The following CSMD1 variants were observed in gnomAD, a reference collection of about 807,000 sequenced individuals.
The protein encoded by CSMD1 is CUB and Sushi multiple domains 1.
In CSMD1, 213 loss-of-function variants were observed where a neutral mutation model predicts 417.5. The ratio of observed to expected loss-of-function variants is 0.51; its 90% CI spans 0.46 to 0.57. The LOEUF (loss-of-function observed/expected upper bound fraction) is 0.57. CSMD1 is among the 20% of genes least tolerant of loss of function. The pLI is 0.00. For synonymous variants in CSMD1, 2,862 were observed against 1,736.8 expected, an observed-to-expected ratio of 1.65 and a Z score of -16.11; for missense variants, 6,923 against 4,529.7, an observed-to-expected ratio of 1.53 and a Z score of -15.17.
In CSMD1 at chr8:3,308,365, G is replaced by T; in HGVS notation, c.3770C>A (p.Thr1257Asn). The stretch of plus-strand genomic sequence containing the variant: ...CACTCTCCTGTCTCCACTCAAACAG[G>T]TCAGGGTGTTGCTGCCATGCATGGC... ...GYAMHGSNTL[T>N]CLSGDRRVWD... Residue 1257 changes from threonine to asparagine, a missense_variant, in exon 24 of 70, where the codon ACC (threonine) becomes AAC (asparagine). Physicochemically the swap from Thr to Asn is moderately conservative, Grantham distance 65. Coordinates refer to ENST00000635120, the MANE Select transcript of CSMD1 (RefSeq NM_033225.6). 2.5e-6 allele frequency: 4 copies of T among 1,613,746 alleles called. No homozygotes were observed. The highest frequency in any genetic ancestry group is 2.2e-5 in the East Asian group (1 of 44,838).
At chr8:4,139,557 A>G (rs554917713) in intron 3 of CSMD1, among the ~76,000 whole-genome samples, 1 of 151,284 alleles carries the variant, frequency 6.6e-6, no homozygotes, top group Admixed American at 6.6e-5. Flanking sequence ...GACGATCTGC[A>G]TATAGCTCCC....
intron 65 of CSMD1, among the ~76,000 whole-genome samples, chr8:2,953,644 T>C (rs985551064): frequency 6.6e-6 from 1 of 152,220 alleles, no homozygotes; most frequent in Non-Finnish European, 1.5e-5. Context: ...CCAGATGATT[T>C]TGTATAGTAA....
Position 3,087,079 on chromosome 8 carries a change from T to C in CSMD1, c.7474+18A>G, listed in dbSNP as rs779200745. 2.7e-5 allele frequency: 43 copies of C among 1,607,060 alleles called. No homozygotes were observed. The highest frequency in any genetic ancestry group is 3.2e-5 in the Non-Finnish European group (38 of 1,175,208). On this transcript the variant is annotated intron_variant, in intron 49 of 69. Transcript: ENST00000635120. Reference sequence around the variant, plus strand: ...AATACACAGGAAACAAGGCTGGGGATGAAAACGCATTTCTTACCCTGGCAG... The same window carrying C: ...AATACACAGGAAACAAGGCTGGGGACGAAAACGCATTTCTTACCCTGGCAG...
chr8:4,166,639 G>A (rs1797474407), intron 3 of CSMD1, among the ~76,000 whole-genome samples: 4 of 152,208 alleles, frequency 2.6e-5, no homozygotes, highest in Middle Eastern at 3.4e-3. Flanking sequence ...ACAGAAGACT[G>A]CATATTGGGT....
chr8:3,883,263 G>A (rs1381717100), intron 5 of CSMD1, among the ~76,000 whole-genome samples: 1 of 152,044 alleles, frequency 6.6e-6, no homozygotes, highest in Non-Finnish European at 1.5e-5. Flanking sequence ...TAAATATTGA[G>A]ATAAAGTATT....
At chr8:4,984,155 G>C (rs1811051693) in intron 1 of CSMD1, among the ~76,000 whole-genome samples, 1 of 152,298 alleles carries the variant, frequency 6.6e-6, no homozygotes, top group Non-Finnish European at 1.5e-5. Context: ...TCAGTGTCCT[G>C]TTGGTATTAC....
At chr8:4,345,284 G>A (rs565376310) in intron 3 of CSMD1, among the ~76,000 whole-genome samples, 1 of 152,088 alleles carries the variant, frequency 6.6e-6, no homozygotes, top group South Asian at 2.1e-4. Flanking sequence ...CTTTCTATGA[G>A]GATTAACGAT....
chr8:3,294,028 T>C (rs1803775361), intron 25 of CSMD1, among the ~76,000 whole-genome samples: 1 of 151,914 alleles, frequency 6.6e-6, no homozygotes, highest in Non-Finnish European at 1.5e-5. Context: ...TTCTGTTTGT[T>C]AGTTTTCCTT....
intron 1 of CSMD1, among the ~76,000 whole-genome samples, chr8:4,673,063 TG>T (rs1563113690): frequency 6.7e-6 from 1 of 149,638 alleles, no homozygotes. Context: ...CATGCTGACA[TG>T]GCACACACAC....
intron 2 of CSMD1, among the ~76,000 whole-genome samples, chr8:4,475,573 C>A (rs1800756025): frequency 6.6e-6 from 1 of 152,010 alleles, no homozygotes; most frequent in Non-Finnish European, 1.5e-5. Flanking sequence ...TAAATACCAC[C>A]CAGGCACAAC....
intron 1 of CSMD1, among the ~76,000 whole-genome samples, chr8:4,934,159 G>C (rs990150224): frequency 2.6e-5 from 4 of 152,140 alleles, no homozygotes; most frequent in African/African-American, 9.7e-5. Flanking sequence ...TCTGAGAAGA[G>C]GCCAGGCTAA....
rs144858920 is a variant in CSMD1, at chr8:3,259,670, C to G, written c.4153+24474G>C. Among the ~76,000 whole-genome samples, 1,161 of 152,094 alleles carry G rather than the reference C, an allele frequency of 7.6e-3. 15 individuals carry two copies. Among genetic ancestry groups the G allele is most frequent in the African/African-American group, 0.026 (1,075 of 41,486 alleles). ...ACAAGTGAAATACTGGAGTTTCTAC[C>G]CCATCCTGAAATTTACTAAATTGGT... On this transcript the variant is annotated intron_variant, in intron 26 of 69. Transcript: ENST00000635120.
chr8:4,530,195 G>A (rs931070898), intron 2 of CSMD1, among the ~76,000 whole-genome samples: 3 of 151,782 alleles, frequency 2.0e-5, no homozygotes, highest in Non-Finnish European at 2.9e-5. Context: ...TTACAGGCAC[G>A]AGCCACCGCG....
chr8:4,345,972 A>G (rs953364132), intron 3 of CSMD1, among the ~76,000 whole-genome samples: 9 of 152,150 alleles, frequency 5.9e-5, no homozygotes, highest in African/African-American at 1.2e-4. Flanking sequence ...TACTGACTAG[A>G]TATCATTTGG....
intron 1 of CSMD1, among the ~76,000 whole-genome samples, chr8:4,762,616 C>T (rs755292663): frequency 3.3e-5 from 5 of 152,102 alleles, no homozygotes; most frequent in Non-Finnish European, 5.9e-5. Context: ...GAGTGATGGG[C>T]CCCGCATTTG....
At chr8:4,092,228 A>G (rs902943748) in intron 3 of CSMD1, among the ~76,000 whole-genome samples, 2 of 152,208 alleles carry the variant, frequency 1.3e-5, no homozygotes, top group African/African-American at 4.8e-5. Context: ...GTCATCCTAG[A>G]AAAGGAAGAC....
chr8:4,732,326 A>G lies in CSMD1; in HGVS notation c.86-94768T>C, dbSNP rs143018899. The stretch of plus-strand genomic sequence containing the variant: ...AAATTAAGACACCTGAAGAGTTAAT[A>G]GATTTAAATTTCTTCTGCGTGTGTG... On this transcript the variant is annotated intron_variant, in intron 1 of 69. Coordinates refer to ENST00000635120, the MANE Select transcript of CSMD1 (RefSeq NM_033225.6). Among the ~76,000 whole-genome samples the G allele has an allele frequency of 2.8e-3, 414 of 147,398 alleles. 3 individuals are homozygous for G. The highest frequency in any genetic ancestry group is 3.6e-3 in the Admixed American group (52 of 14,564).
chr8:4,314,178 T>A (rs904818667), intron 3 of CSMD1, among the ~76,000 whole-genome samples: 1 of 152,032 alleles, frequency 6.6e-6, no homozygotes, highest in African/African-American at 2.4e-5. Flanking sequence ...AGCATCTCAT[T>A]CCTTGGTTCC....
At chr8:4,676,362 G>A (rs1183942601) in intron 1 of CSMD1, among the ~76,000 whole-genome samples, 1 of 152,048 alleles carries the variant, frequency 6.6e-6, no homozygotes, top group African/African-American at 2.4e-5. Context: ...CTGCACCACT[G>A]CCCTAATATT....
Sources: allele counts gnomAD v4.1 joint callset (sites outside exome capture counted in the v4.1 genomes callset), GRCh38; gene constraint gnomAD v4.1.1; transcripts MANE v1.5; gene names NCBI Gene and HGNC (gene_info 2026-07-23, HGNC 2026-07-21).